Variants in CD59 observed in about 807,000 individuals in gnomAD.
CD59 encodes the protein CD59 molecule (CD59 blood group), also known as CD59 glycoprotein.
Under a neutral mutation model 7.0 loss-of-function variants are expected in CD59, and 3 were observed. The ratio of observed to expected loss-of-function variants is 0.43; its 90% CI spans 0.19 to 1.10. CD59 has a LOEUF of 1.10. CD59 is among the 50% of genes least tolerant of loss of function. The pLI, the probability that CD59 is intolerant of heterozygous loss-of-function variation, is 0.29. For synonymous variants in CD59, 60 were observed against 62.0 expected (o/e 0.97, Z 0.15); for missense variants, 143 against 151.0 (o/e 0.95, Z 0.28).
intron 1 of CD59, among the ~76,000 whole-genome samples, chr11:33,731,788 G>A (rs756411277): frequency 3.9e-5 from 6 of 152,178 alleles, no homozygotes; most frequent in African/African-American, 7.2e-5. Context: ...TTTAGGAGCC[G>A]CTTCTACTTT....
rs1464228997 is a variant in CD59 at position 33,703,252 on chromosome 11, T to C, written c.*6874A>G. ...TAACAAGTATGCAAGAAAACTCAAGTGCCACAATGAACACCCATAAACTGC... is the reference window on the plus strand; with the variant it reads ...TAACAAGTATGCAAGAAAACTCAAGCGCCACAATGAACACCCATAAACTGC... On this transcript the variant is annotated 3_prime_UTR_variant, in exon 4 of 4. Transcript: ENST00000642928. The C allele has an allele frequency of 6.6e-6, 1 of 152,288 alleles. No individual in the cohort carries two copies. Among genetic ancestry groups the C allele is most frequent in the East Asian group, 1.9e-4 (1 of 5,190 alleles). The allele number at this position is 152,288 out of a possible 1,614,324, so 9.4% of individuals were successfully genotyped here.
Position 33,703,252 on chromosome 11 carries a change from T to G in CD59, c.*6874A>C, listed in dbSNP as rs1464228997. 6.6e-6 allele frequency: 1 copy of G among 152,170 alleles called. No individual in the cohort carries two copies. Among genetic ancestry groups the G allele is most frequent in the Non-Finnish European group, 1.5e-5 (1 of 68,030 alleles). 9.4% of individuals were successfully genotyped at this position (152,170 alleles called of 1,614,324 possible). A position where few individuals can be genotyped will look rare whatever the true frequency, so the allele number is the denominator to read the frequency against. On this transcript the variant is annotated 3_prime_UTR_variant, in exon 4 of 4. Coordinates refer to ENST00000642928, the MANE Select transcript of CD59 (RefSeq NM_000611.6). ...TAACAAGTATGCAAGAAAACTCAAGTGCCACAATGAACACCCATAAACTGC... is the reference window on the plus strand; with the variant it reads ...TAACAAGTATGCAAGAAAACTCAAGGGCCACAATGAACACCCATAAACTGC...
chr11:33,717,629 A>G (rs1853861048), intron 2 of CD59, 158 bp from the exon 3 acceptor site: 1 of 653,962 alleles, frequency 1.5e-6, no homozygotes, highest in Admixed American at 2.1e-5. Flanking sequence ...AATTCAAACT[A>G]CAGTTCCAGC....
Position 33,708,732 on chromosome 11 carries a change from A to G in CD59, c.*1394T>C, listed in dbSNP as rs1297934702. Reference sequence around the variant, plus strand: ...TATGTTCAGGGAACGGCATCAACAGAAGAAAGCTGGCACTGCTCAGGATGT... The same window carrying G: ...TATGTTCAGGGAACGGCATCAACAGGAGAAAGCTGGCACTGCTCAGGATGT... On this transcript the variant is annotated 3_prime_UTR_variant, in exon 4 of 4. Transcript: ENST00000642928. The G allele has an allele frequency of 1.3e-5, 2 of 152,252 alleles. No individual in the cohort carries two copies. Among genetic ancestry groups the G allele is most frequent in the Non-Finnish European group, 2.9e-5 (2 of 68,058 alleles). The allele number at this position is 152,252 out of a possible 1,614,324, so 9.4% of individuals were successfully genotyped here. A position where few individuals can be genotyped will look rare whatever the true frequency, so the allele number is the denominator to read the frequency against.
At chr11:33,734,798 CTG>C (rs1564980854) in intron 1 of CD59, among the ~76,000 whole-genome samples, 1 of 152,198 alleles carries the variant, frequency 6.6e-6, no homozygotes, top group Non-Finnish European at 1.5e-5. Flanking sequence ...TTGGCAATGT[CTG>C]TGGCGGTTTG....
intron 3 of CD59, among the ~76,000 whole-genome samples, chr11:33,715,522 C>T (rs1360008526): frequency 6.6e-6 from 1 of 152,136 alleles, no homozygotes; most frequent in Non-Finnish European, 1.5e-5. Flanking sequence ...ATCACTTGAA[C>T]CCTGGAGGCA....
At chr11:33,723,353 C>T (rs1286044211) in intron 1 of CD59, among the ~76,000 whole-genome samples, 1 of 152,198 alleles carries the variant, frequency 6.6e-6, no homozygotes, top group East Asian at 1.9e-4. Flanking sequence ...CCCTGGGGAA[C>T]TGACAATCCT....
Position 33,710,076 on chromosome 11 carries a change from G to T in CD59, c.*50C>A. ...CTTTAGAATGTGGCAGCAAGAGAAA[G>T]CGGACTACGCAGGAACGGGGAGTTT... On this transcript the variant is annotated 3_prime_UTR_variant, in exon 4 of 4. Coordinates refer to ENST00000642928, the MANE Select transcript of CD59 (RefSeq NM_000611.6). 7.4e-7 allele frequency: 1 copy of T among 1,343,532 alleles called. No homozygotes were observed. The highest frequency in any genetic ancestry group is 1.1e-6 in the Non-Finnish European group (1 of 947,540). 83.2% of individuals were successfully genotyped at this position (1,343,532 alleles called of 1,614,324 possible).
chr11:33,726,394 C>T (rs1369574046), intron 1 of CD59, among the ~76,000 whole-genome samples: 2 of 152,166 alleles, frequency 1.3e-5, no homozygotes, highest in African/African-American at 4.8e-5. Context: ...AACCGCACAA[C>T]TACATGGAAA....
intron 1 of CD59, 181 bp from the exon 2 acceptor site, chr11:33,722,644 A>G (rs1427765302): frequency 6.9e-7 from 1 of 1,456,160 alleles, no homozygotes; most frequent in African/African-American, 1.4e-5. Context: ...ACCCTTGAGT[A>G]GGCTCAGTCC....
chr11:33,704,183 A>T lies in CD59; in HGVS notation c.*5943T>A, dbSNP rs929683689. ...TGGACATGTAGTGGTTGTGTCTTGG[A>T]ATACAAGAGTTGTGCCTGAATCTGG... On this transcript the variant is annotated 3_prime_UTR_variant, in exon 4 of 4. Transcript: ENST00000642928. 1.1e-4 allele frequency: 16 copies of T among 151,982 alleles called. No homozygotes were observed. The highest frequency in any genetic ancestry group is 3.9e-4 in the African/African-American group (16 of 41,226). 9.4% of individuals were successfully genotyped at this position (151,982 alleles called of 1,614,324 possible).
Position 33,703,566 on chromosome 11 carries a change from CA to C in CD59, c.*6559del, listed in dbSNP as rs968854027. 4 of 152,264 alleles carry C rather than the reference CA, an allele frequency of 2.6e-5. No individual in the cohort carries two copies. The highest frequency in any genetic ancestry group is 9.6e-5 in the African/African-American group (4 of 41,452). The allele number at this position is 152,264 out of a possible 1,614,324, so 9.4% of individuals were successfully genotyped here. ...GAGACACAAGTCCCTCTTCGTTGAT[CA>C]GGGTCAGTTGAAAGATGTAGCTGTC... On this transcript the variant is annotated 3_prime_UTR_variant, in exon 4 of 4. Transcript: ENST00000642928.
At chr11:33,714,417 G>T (rs1590520683) in intron 3 of CD59, among the ~76,000 whole-genome samples, 1 of 152,174 alleles carries the variant, frequency 6.6e-6, no homozygotes, top group African/African-American at 2.4e-5. Flanking sequence ...CCTGTACAGG[G>T]CACTTACTGT....
chr11:33,710,437 C>T, intron 3 of CD59, 94 bp from the exon 4 acceptor site: 4 of 989,424 alleles, frequency 4.0e-6, no homozygotes, highest in Non-Finnish European at 4.8e-6. Context: ...GTATCCTGTG[C>T]AAGTAGAGAC....
chr11:33,715,820 C>G (rs187628215), intron 3 of CD59, among the ~76,000 whole-genome samples: 4 of 152,184 alleles, frequency 2.6e-5, no homozygotes, highest in Admixed American at 6.5e-5. Flanking sequence ...CCAACACATA[C>G]ATTTCATAAA....
At chr11:33,735,603 A>G (rs1486763970) in intron 1 of CD59, among the ~76,000 whole-genome samples, 2 of 152,168 alleles carry the variant, frequency 1.3e-5, no homozygotes, top group African/African-American at 4.8e-5. Context: ...CCAAGAAAAC[A>G]AAACATCACG....
intron 1 of CD59, among the ~76,000 whole-genome samples, chr11:33,725,683 G>A (rs984928228): frequency 3.3e-5 from 5 of 152,128 alleles, no homozygotes; most frequent in African/African-American, 1.2e-4. Context: ...ATAAGAAATA[G>A]TCAAGGGCAT....
At chr11:33,722,656 T>C (rs776428377) in intron 1 of CD59, 193 bp from the exon 2 acceptor site, 19 of 1,426,442 alleles carry the variant, frequency 1.3e-5, no homozygotes, top group Admixed American at 2.2e-5. Context: ...GCTCAGTCCC[T>C]ATAAGCCCCA....
chr11:33,715,737 A>G (rs1463161976), intron 3 of CD59, among the ~76,000 whole-genome samples: 2 of 152,170 alleles, frequency 1.3e-5, no homozygotes, highest in Non-Finnish European at 2.9e-5. Flanking sequence ...CATTTATAAG[A>G]AATTTTGGGA....
Sources: gnomAD v4.1 joint callset for allele counts (sites outside exome capture counted in the v4.1 genomes callset) on GRCh38, gnomAD v4.1.1 for gene constraint, MANE v1.5 for transcripts, NCBI Gene and HGNC (gene_info 2026-07-23, HGNC 2026-07-21) for gene names.